The following NBAS variants were observed in gnomAD, a reference collection of about 807,000 sequenced individuals.
NBAS encodes the protein NAG/BC035112 fusion.
A neutral mutation model predicts 302.5 loss-of-function variants in NBAS; 219 were observed. The ratio of observed to expected loss-of-function variants is 0.72; its 90% CI spans 0.65 to 0.81. The LOEUF (loss-of-function observed/expected upper bound fraction) is 0.81, where lower values mean the gene tolerates loss of function less well. Ranked by LOEUF, NBAS falls within the 30% of genes least tolerant of loss-of-function variation. The pLI is 0.00. For synonymous variants in NBAS, 1,118 were observed against 1,021.6 expected (o/e 1.09, Z -1.80); for missense variants, 2,932 against 2,841.6 (o/e 1.03, Z -0.72).
intron 51 of NBAS, among the ~76,000 whole-genome samples, chr2:15,177,447 A>G (rs567890210): frequency 6.6e-6 from 1 of 152,224 alleles, no homozygotes; most frequent in African/African-American, 2.4e-5. Context: ...TGACAGATGC[A>G]TTTGAGATAA....
intron 11 of NBAS, among the ~76,000 whole-genome samples, chr2:15,503,753 G>C (rs1488872343): frequency 6.6e-6 from 1 of 152,066 alleles, no homozygotes; most frequent in Non-Finnish European, 1.5e-5. Flanking sequence ...CAGATTTGGG[G>C]AAGAATTTTT....
At chr2:14,787,067 C>A in the NBAS span, among the ~76,000 whole-genome samples, 4 of 152,144 alleles carry the variant, frequency 2.6e-5, no homozygotes, top group African/African-American at 7.2e-5. Flanking sequence ...ATCCCTTTAC[C>A]ATTATGTAAT....
Position 15,218,988 on chromosome 2 carries a change from G to A in NBAS, c.6237-20C>T. On this transcript the variant is annotated intron_variant, in intron 47 of 51. Coordinates refer to ENST00000281513, the MANE Select transcript of NBAS (RefSeq NM_015909.4). ...TCCTCACTGCAGGGCAAAATCCAGA[G>A]GTATCTGTAAACTCCTAAGCCTTTT... 1.2e-6 allele frequency: 2 copies of A among 1,613,938 alleles called. No individual in the cohort carries two copies. The highest frequency in any genetic ancestry group is 1.7e-6 in the Non-Finnish European group (2 of 1,179,898).
At chr2:14,827,949 TA>T in the NBAS span, among the ~76,000 whole-genome samples, 3 of 151,858 alleles carry the variant, frequency 2.0e-5, no homozygotes, top group Non-Finnish European at 2.9e-5. Flanking sequence ...TTTACAATAA[TA>T]AAAAAAAGAC....
chr2:15,177,897 C>T (rs1010781344), intron 51 of NBAS: 1 of 298,546 alleles, frequency 3.3e-6, no homozygotes, highest in Non-Finnish European at 6.6e-6. Context: ...TCACAAAACC[C>T]TTGCAGAAGC....
intron 10 of NBAS, among the ~76,000 whole-genome samples, chr2:15,506,962 C>A (rs1661886425): frequency 6.6e-6 from 1 of 151,972 alleles, no homozygotes; most frequent in South Asian, 2.1e-4. Context: ...CGAGTGAATT[C>A]AAGAGAGAAT....
chr2:15,379,194 CTCTT>C (rs1488304974), intron 30 of NBAS, among the ~76,000 whole-genome samples: 1 of 90,614 alleles, frequency 1.1e-5, no homozygotes, highest in Non-Finnish European at 2.7e-5. Flanking sequence ...TTGTCTCTCT[CTCTT>C]TTTTTTTTTC....
rs140604645 is a variant in NBAS at position 15,502,414 on chromosome 2, G to A, written c.954+1731C>T. Among the ~76,000 whole-genome samples the A allele has an allele frequency of 2.4e-4, 37 of 152,292 alleles. No individual in the cohort carries two copies. The South Asian group carries it at 3.7e-3, about 15-fold the overall frequency. On this transcript the variant is annotated intron_variant, in intron 11 of 51. Coordinates refer to ENST00000281513, the MANE Select transcript of NBAS (RefSeq NM_015909.4). ...AAATGTGTCATTAGGTGATTTCGTC[G>A]TTGTGAAAACATCATACATAACAGT...
intron 51 of NBAS, among the ~76,000 whole-genome samples, chr2:15,170,138 A>G (rs867577251): frequency 2.0e-4 from 31 of 152,194 alleles, no homozygotes; most frequent in African/African-American, 6.8e-4. Context: ...GGAGCCCGAC[A>G]GTCTCCTAGA....
chr2:14,958,796 G>A, the NBAS span, among the ~76,000 whole-genome samples: 1 of 152,080 alleles, frequency 6.6e-6, no homozygotes, highest in African/African-American at 2.4e-5. Flanking sequence ...AAGTAAAGGT[G>A]GAACCTCACA....
intron 48 of NBAS, among the ~76,000 whole-genome samples, chr2:15,204,539 TG>T (rs2147842056): frequency 6.6e-6 from 1 of 152,266 alleles, no homozygotes; most frequent in African/African-American, 2.4e-5. Flanking sequence ...TAAATCATGC[TG>T]CTATAAAGAC....
At chr2:15,012,597 C>T in the NBAS span, among the ~76,000 whole-genome samples, 2 of 152,108 alleles carry the variant, frequency 1.3e-5, no homozygotes. Context: ...TTCTCCAAGG[C>T]ACATGATAGT....
chr2:15,203,317 G>A (rs893520098), intron 48 of NBAS, among the ~76,000 whole-genome samples: 1 of 152,144 alleles, frequency 6.6e-6, no homozygotes, highest in African/African-American at 2.4e-5. Context: ...ATGGAGTGAT[G>A]AGATCACCTA....
the NBAS span, among the ~76,000 whole-genome samples, chr2:14,788,314 C>T: frequency 6.6e-6 from 1 of 152,218 alleles, no homozygotes; most frequent in African/African-American, 2.4e-5. Flanking sequence ...GCCTTCTTCT[C>T]TCAACTCGTC....
the NBAS span, among the ~76,000 whole-genome samples, chr2:15,120,694 G>A: frequency 1.3e-5 from 2 of 152,204 alleles, no homozygotes. Flanking sequence ...AAGTGAAAAA[G>A]GATGGAGTGT....
chr2:15,013,857 C>T, the NBAS span, among the ~76,000 whole-genome samples: 5 of 152,146 alleles, frequency 3.3e-5, no homozygotes, highest in South Asian at 1.0e-3. Context: ...CAAAACCCAA[C>T]TATATGCTGT....
intron 27 of NBAS, 143 bp downstream of exon 27, chr2:15,396,270 T>C (rs1675860279): frequency 4.9e-6 from 3 of 617,042 alleles, no homozygotes; most frequent in Non-Finnish European, 5.7e-6. Flanking sequence ...GTATTTGTTG[T>C]TGAGAAAATT....
chr2:14,794,222 G>A, the NBAS span, among the ~76,000 whole-genome samples: 1 of 152,018 alleles, frequency 6.6e-6, no homozygotes, highest in South Asian at 2.1e-4. Context: ...GCCCTCTTTT[G>A]GAGAAAGGTA....
chr2:15,327,612 C>T (rs915818725), intron 38 of NBAS, 138 bp downstream of exon 38: 72 of 1,011,344 alleles, frequency 7.1e-5, no homozygotes, highest in South Asian at 2.4e-4. Context: ...GATGAATGAA[C>T]GAATGATGAT....
Sources: gnomAD v4.1 joint callset for allele counts (sites outside exome capture counted in the v4.1 genomes callset) on GRCh38, gnomAD v4.1.1 for gene constraint, MANE v1.5 for transcripts, NCBI Gene and HGNC (gene_info 2026-07-23, HGNC 2026-07-21) for gene names.